CAP2: variants seen among roughly 807,000 people sequenced by gnomAD.
CAP2 encodes the protein cyclase associated actin cytoskeleton regulatory protein 2.
Under a neutral mutation model 57.7 loss-of-function variants are expected in CAP2, and 24 were observed. The ratio of observed to expected loss-of-function variants is 0.42; its 90% confidence interval spans 0.30 to 0.58. The LOEUF (loss-of-function observed/expected upper bound fraction) is 0.58, where lower values mean the gene tolerates loss of function less well. Ranked by LOEUF, CAP2 falls within the 20% of genes least tolerant of loss-of-function variation. The probability of loss-of-function intolerance (pLI) is 0.22; values close to 1 mark genes in which losing one functional copy is unlikely to be tolerated. For synonymous variants in CAP2, 194 were observed against 207.2 expected, an observed-to-expected ratio of 0.94 and a Z score of 0.55; for missense variants, 501 against 590.3, an observed-to-expected ratio of 0.85 and a Z score of 1.57.
intron 3 of CAP2, among the ~76,000 whole-genome samples, chr6:17,450,335 C>G (rs1417514127): frequency 6.6e-6 from 1 of 152,198 alleles, no homozygotes; most frequent in African/African-American, 2.4e-5. Flanking sequence ...CAGGCGTGAG[C>G]CACCACGCCC....
chr6:17,524,989 C>T (rs562691223), intron 7 of CAP2, among the ~76,000 whole-genome samples: 4 of 148,628 alleles, frequency 2.7e-5, no homozygotes, highest in South Asian at 2.1e-4. Context: ...CTCTGCCTTT[C>T]GTGTTCAAGC....
At chr6:17,461,649 G>C (rs914000335) in intron 3 of CAP2, among the ~76,000 whole-genome samples, 1 of 151,758 alleles carries the variant, frequency 6.6e-6, no homozygotes, top group Non-Finnish European at 1.5e-5. Flanking sequence ...GTTAATCCTG[G>C]GTGATCTGGA....
At chr6:17,447,072 G>T (rs1760277449) in intron 3 of CAP2, among the ~76,000 whole-genome samples, 1 of 151,986 alleles carries the variant, frequency 6.6e-6, no homozygotes, top group African/African-American at 2.4e-5. Context: ...ACCCAGGCTG[G>T]AGTGTGGTGG....
chr6:17,484,224 C>T (rs1761366852), intron 4 of CAP2, among the ~76,000 whole-genome samples: 1 of 151,912 alleles, frequency 6.6e-6, no homozygotes, highest in Admixed American at 6.6e-5. Flanking sequence ...TCCCTGATAG[C>T]GAAGATGTTG....
intron 1 of CAP2, among the ~76,000 whole-genome samples, chr6:17,401,481 A>G (rs2113501114): frequency 6.6e-6 from 1 of 152,344 alleles, no homozygotes; most frequent in East Asian, 1.9e-4. Flanking sequence ...AATATGATAT[A>G]AGTGTGATCT....
Position 17,469,618 on chromosome 6 carries a change from G to A in CAP2, c.300+6545G>A, listed in dbSNP as rs113587365. On this transcript the variant is annotated intron_variant, in intron 4 of 12. Transcript: ENST00000229922. ...GGGGAGAGAGAGAGACAGAGAGCGCGTTTCTACTATCCTCCCTCTCGTTTT... is the reference window on the plus strand; with the variant it reads ...GGGGAGAGAGAGAGACAGAGAGCGCATTTCTACTATCCTCCCTCTCGTTTT... Among the ~76,000 whole-genome samples, 1,276 of 152,208 alleles carry A rather than the reference G, an allele frequency of 8.4e-3. 16 individuals carry two copies. Among genetic ancestry groups the A allele is most frequent in the African/African-American group, 0.029 (1,203 of 41,508 alleles).
At position 17,440,555 on chromosome 6, in the gene CAP2, G is replaced by A. The variant is rs1760041571; in HGVS notation, c.222+13865G>A. Reference sequence around the variant, plus strand: ...AATGTTGACAGAGGCTTATCTTTTAGCAGGAATGTCAGCCCATTAAGTATG... The same window carrying A: ...AATGTTGACAGAGGCTTATCTTTTAACAGGAATGTCAGCCCATTAAGTATG... On this transcript the variant is annotated intron_variant, in intron 3 of 12. Coordinates refer to ENST00000229922, the MANE Select transcript of CAP2 (RefSeq NM_006366.3). 1.3e-5 allele frequency among the ~76,000 whole-genome samples: 2 copies of A among 150,644 alleles called. 1 individual carries two copies. Among genetic ancestry groups the A allele is most frequent in the East Asian group, 3.9e-4 (2 of 5,124 alleles).
At chr6:17,537,812 TC>T (rs1425635723) in intron 7 of CAP2, among the ~76,000 whole-genome samples, 4 of 152,252 alleles carry the variant, frequency 2.6e-5, no homozygotes, top group Admixed American at 2.6e-4. Context: ...ACACCTGTAA[TC>T]CCAGCACTTT....
intron 7 of CAP2, among the ~76,000 whole-genome samples, chr6:17,517,970 T>C (rs897991961): frequency 6.6e-6 from 1 of 152,090 alleles, no homozygotes; most frequent in Non-Finnish European, 1.5e-5. Context: ...ATATGATCCA[T>C]AGAGCACATC....
Position 17,460,929 on chromosome 6 carries a change from C to T in CAP2, c.223-2067C>T, listed in dbSNP as rs548558591. Among the ~76,000 whole-genome samples the T allele has an allele frequency of 7.9e-5, 12 of 152,260 alleles. No homozygotes were observed. The South Asian group carries it at 2.3e-3, about 29-fold the overall frequency. Reference sequence around the variant, plus strand: ...TTGGGAGACCAAGACAGGAGGATCGCTTGAGCACAAGAGTTTGAGACCAGC... The same window carrying T: ...TTGGGAGACCAAGACAGGAGGATCGTTTGAGCACAAGAGTTTGAGACCAGC... On this transcript the variant is annotated intron_variant, in intron 3 of 12. Transcript: ENST00000229922.
At chr6:17,485,379 C>A (rs1761395907) in intron 4 of CAP2, among the ~76,000 whole-genome samples, 1 of 152,200 alleles carries the variant, frequency 6.6e-6, no homozygotes, top group Admixed American at 6.5e-5. Context: ...CAGTGATCAA[C>A]TGGGCTTTTT....
chr6:17,504,072 T>G (rs549499059), intron 4 of CAP2, among the ~76,000 whole-genome samples: 2 of 152,334 alleles, frequency 1.3e-5, no homozygotes, highest in South Asian at 4.1e-4. Flanking sequence ...CCTCTGTCCC[T>G]CAGCATATGT....
chr6:17,503,041 T>C (rs1447893848), intron 4 of CAP2, among the ~76,000 whole-genome samples: 1 of 152,216 alleles, frequency 6.6e-6, no homozygotes, highest in East Asian at 1.9e-4. Flanking sequence ...CAAACAAGCA[T>C]GACATAATTG....
intron 4 of CAP2, among the ~76,000 whole-genome samples, chr6:17,491,732 T>C (rs1761546295): frequency 6.6e-6 from 1 of 152,238 alleles, no homozygotes; most frequent in African/African-American, 2.4e-5. Flanking sequence ...GGCAAGTTAC[T>C]AAGTATTTCT....
chr6:17,514,144 A>G (rs949036822), intron 7 of CAP2, among the ~76,000 whole-genome samples, 190 bp downstream of exon 7: 1 of 151,582 alleles, frequency 6.6e-6, no homozygotes, highest in Non-Finnish European at 1.5e-5. Context: ...TGGGCAGATC[A>G]TTGAGGTCAG....
At chr6:17,538,101 A>G (rs536583832) in intron 7 of CAP2, among the ~76,000 whole-genome samples, 1 of 151,818 alleles carries the variant, frequency 6.6e-6, no homozygotes, top group African/African-American at 2.4e-5. Flanking sequence ...ATATAGGCCA[A>G]GTTTGTGGTA....
At chr6:17,504,534 C>T (rs1761923532) in intron 4 of CAP2, among the ~76,000 whole-genome samples, 1 of 152,162 alleles carries the variant, frequency 6.6e-6, no homozygotes, top group South Asian at 2.1e-4. Context: ...TCAGGGCCTC[C>T]CCGAAGACCT....
At chr6:17,509,095 T>C (rs1403238550) in intron 6 of CAP2, among the ~76,000 whole-genome samples, 1 of 152,044 alleles carries the variant, frequency 6.6e-6, no homozygotes, top group Admixed American at 6.6e-5. Context: ...ATCTGAAAAT[T>C]AGAACCAGAA....
chr6:17,430,146 G>A, intron 3 of CAP2, among the ~76,000 whole-genome samples: 1 of 152,226 alleles, frequency 6.6e-6, no homozygotes, highest in Admixed American at 6.5e-5. Context: ...TTGGCTGCTG[G>A]TTGGGCTTAA....
Sources: allele counts gnomAD v4.1 joint callset (sites outside exome capture counted in the v4.1 genomes callset), GRCh38; gene constraint gnomAD v4.1.1; transcripts MANE v1.5; gene names NCBI Gene and HGNC (gene_info 2026-07-23, HGNC 2026-07-21).